FBXW4: variants seen among roughly 807,000 people sequenced by gnomAD.
FBXW4 encodes F-box/WD repeat-containing protein 4.
A neutral mutation model predicts 61.8 loss-of-function variants in FBXW4; 40 were observed. The observed-to-expected ratio is 0.65, with a 90% CI of 0.50 to 0.84. FBXW4 has a LOEUF of 0.84. FBXW4 is among the 40% of genes least tolerant of loss of function. The pLI, the probability that FBXW4 is intolerant of heterozygous loss-of-function variation, is 0.00. For missense variants in FBXW4, 672 were observed against 753.8 expected (o/e 0.89, Z 1.27); for synonymous variants, 311 against 313.8 (o/e 0.99, Z 0.10).
At chr10:101,669,959 G>A (rs2064343758) in intron 4 of FBXW4, among the ~76,000 whole-genome samples, 1 of 151,946 alleles carries the variant, frequency 6.6e-6, no homozygotes, top group African/African-American at 2.4e-5. Flanking sequence ...GTTTTGCTGT[G>A]TTAGCCAGGA....
intron 5 of FBXW4, among the ~76,000 whole-genome samples, chr10:101,627,591 A>G (rs1446176387): frequency 1.3e-5 from 2 of 152,116 alleles, no homozygotes; most frequent in Non-Finnish European, 2.9e-5. Context: ...GACCAGCCAC[A>G]CTCAAAGTCA....
intron 5 of FBXW4, among the ~76,000 whole-genome samples, chr10:101,640,484 C>CTTTTTTTTTTTTTTTTTTTTTTT (rs386372272): frequency 1.2e-5 from 1 of 83,874 alleles, no homozygotes; most frequent in African/African-American, 5.2e-5. Flanking sequence ...CTTTCTTTCT[C>CTTTTTTTTTTTTTTTTTTTTTTT]TTTTTTTTTT....
chr10:101,665,156 G>A (rs2064285826), intron 5 of FBXW4, among the ~76,000 whole-genome samples: 1 of 151,968 alleles, frequency 6.6e-6, no homozygotes. Flanking sequence ...CTAATAATGA[G>A]GTAAAAAGAC....
At chr10:101,659,510 G>C in intron 5 of FBXW4, 1 of 781,940 alleles carries the variant, frequency 1.3e-6, no homozygotes, top group Non-Finnish European at 1.6e-6. Context: ...GGAAAACTAA[G>C]CCCTCAGAGG....
intron 4 of FBXW4, 122 bp downstream of exon 4, chr10:101,672,793 T>G (rs1282866698): frequency 8.4e-7 from 1 of 1,187,812 alleles, no homozygotes; most frequent in African/African-American, 1.5e-5. Flanking sequence ...AGTCCTTTAT[T>G]GTGTCGTTTT....
chr10:101,612,520 C>G (rs1213928304), intron 6 of FBXW4, 43 bp from the exon 7 acceptor site: 4 of 1,478,358 alleles, frequency 2.7e-6, no homozygotes, highest in Non-Finnish European at 2.7e-6. Flanking sequence ...CCACGTGGGT[C>G]ATACACATTC....
intron 5 of FBXW4, chr10:101,627,895 G>A (rs2063919705): frequency 3.2e-6 from 3 of 931,716 alleles, no homozygotes; most frequent in African/African-American, 3.6e-5. Flanking sequence ...GGGCTGGTGG[G>A]GTGGGATCTG....
intron 6 of FBXW4, 79 bp from the exon 7 acceptor site, chr10:101,612,556 C>G: frequency 7.3e-7 from 1 of 1,366,322 alleles, no homozygotes; most frequent in Non-Finnish European, 9.6e-7. Flanking sequence ...GGCATCAGAC[C>G]TTGGGGAAAT....
intron 5 of FBXW4, among the ~76,000 whole-genome samples, chr10:101,629,113 G>T (rs1424308405): frequency 1.3e-5 from 2 of 152,236 alleles, no homozygotes; most frequent in Non-Finnish European, 2.9e-5. Context: ...AGGGAAATTA[G>T]TTGGGCACGG....
chr10:101,674,326 CA>C (rs11431014), intron 2 of FBXW4, among the ~76,000 whole-genome samples: 78 of 140,004 alleles, frequency 5.6e-4, no homozygotes, highest in Non-Finnish European at 6.6e-4. Flanking sequence ...GAGACTGTCT[CA>C]AAAAAAAAAA....
At chr10:101,675,094 G>A (rs1400316669) in intron 2 of FBXW4, among the ~76,000 whole-genome samples, 2 of 152,164 alleles carry the variant, frequency 1.3e-5, no homozygotes, top group African/African-American at 2.4e-5. Context: ...TTGACTTGAC[G>A]GGCCATTAAA....
At chr10:101,667,740 A>T (rs1379533286) in intron 5 of FBXW4, 146 bp downstream of exon 5, 10 of 701,716 alleles carry the variant, frequency 1.4e-5, no homozygotes, top group Admixed American at 6.8e-5. Flanking sequence ...AAATAACTCA[A>T]ATCTCTGGAG....
intron 5 of FBXW4, 59 bp from the exon 6 acceptor site, chr10:101,624,869 G>A: frequency 6.4e-7 from 1 of 1,562,836 alleles, no homozygotes; most frequent in African/African-American, 1.4e-5. Flanking sequence ...TGGTGGAAAT[G>A]GCTAACAATG....
chr10:101,654,101 C>G (rs1043516961), intron 5 of FBXW4, among the ~76,000 whole-genome samples: 1 of 118,606 alleles, frequency 8.4e-6, no homozygotes, highest in Admixed American at 1.1e-4. Context: ...AGACCGGCGA[C>G]AGAGCGAGAC....
intron 5 of FBXW4, among the ~76,000 whole-genome samples, chr10:101,649,321 T>C (rs935949972): frequency 6.6e-6 from 1 of 152,184 alleles, no homozygotes; most frequent in Non-Finnish European, 1.5e-5. Flanking sequence ...GTCACAGTGC[T>C]TTCTACAATC....
intron 5 of FBXW4, among the ~76,000 whole-genome samples, chr10:101,635,917 G>C (rs1554927692): frequency 6.6e-6 from 1 of 151,724 alleles, no homozygotes; most frequent in Admixed American, 6.6e-5. Flanking sequence ...TCCCTACCCT[G>C]GGGGGGCGGG....
At chr10:101,662,288 G>A (rs988044651) in intron 5 of FBXW4, among the ~76,000 whole-genome samples, 9 of 152,014 alleles carry the variant, frequency 5.9e-5, no homozygotes, top group South Asian at 4.1e-4. Context: ...CCCGCTTACC[G>A]AACAGTACAC....
In FBXW4 at chr10:101,694,251, G is replaced by A. The variant is rs2064645185; in HGVS notation, c.725+130C>T. Reference sequence around the variant, plus strand: ...GAGTGCTCGGGAAAGGGTGTAGGCGGAGGTCAGGTGTAGGCCTAGAAACTC... The same window carrying A: ...GAGTGCTCGGGAAAGGGTGTAGGCGAAGGTCAGGTGTAGGCCTAGAAACTC... On this transcript the variant is annotated intron_variant, in intron 1 of 8. Coordinates refer to ENST00000331272, the MANE Select transcript of FBXW4 (RefSeq NM_022039.4). This position sits in a 1 kb window ranked among gnomAD's most constrained non-coding sequence, Gnocchi z 6.0. 9.5e-6 allele frequency: 8 copies of A among 845,776 alleles called. No individual in the cohort carries two copies. The highest frequency in any genetic ancestry group is 1.8e-5 in the African/African-American group (1 of 55,914). The allele number at this position is 845,776 out of a possible 1,614,324, so 52.4% of individuals were successfully genotyped here.
rs751713400 is a variant in FBXW4 at position 101,673,512 on chromosome 10, T to C, written c.983A>G (p.Asn328Ser). The change falls in exon 3 of 9, where the codon AAC becomes AGC. Residue 328 changes from asparagine (N) to serine (S), a missense_variant. This residue lies in a region of FBXW4 where 312 missense variants were observed against 370.1 expected (regional missense o/e 0.84). Coordinates refer to ENST00000331272, the MANE Select transcript of FBXW4 (RefSeq NM_022039.4). ...DEDVCHFVLA[N>S]SHIVSAGGDG... ...CCCTCCTGCACTAACAATATGCGAGTTGGCCAGCACAAAGTGGCAAACGTC... is the reference window on the plus strand; with the variant it reads ...CCCTCCTGCACTAACAATATGCGAGCTGGCCAGCACAAAGTGGCAAACGTC... The C allele has an allele frequency of 2.2e-5, 35 of 1,613,546 alleles. No homozygotes were observed. The highest frequency in any genetic ancestry group is 4.0e-5 in the African/African-American group (3 of 74,796).
Sources: allele counts gnomAD v4.1 joint callset (sites outside exome capture counted in the v4.1 genomes callset), GRCh38; gene constraint gnomAD v4.1.1; regional missense constraint gnomAD v4.1.1; non-coding constraint Gnocchi (gnomAD v3.1); transcripts MANE v1.5; gene names NCBI Gene and HGNC (gene_info 2026-07-23, HGNC 2026-07-21).